SIK2: variants seen among roughly 807,000 people sequenced by gnomAD.
SIK2 encodes salt inducible kinase 2.
A neutral mutation model predicts 103.2 loss-of-function variants in SIK2; 29 were observed. The observed-to-expected ratio is 0.28, with a 90% CI of 0.21 to 0.38. The LOEUF (loss-of-function observed/expected upper bound fraction) is 0.38. Ranked by LOEUF, SIK2 falls within the 10% of genes least tolerant of loss-of-function variation. The probability of loss-of-function intolerance (pLI) is 1.00; values close to 1 mark genes in which losing one functional copy is unlikely to be tolerated. For synonymous variants in SIK2, 412 were observed against 446.1 expected (o/e 0.92, Z 0.96); for missense variants, 879 against 1,171.0 (o/e 0.75, Z 3.64).
chr11:111,659,465 C>CTTT (rs1341083017), intron 3 of SIK2, among the ~76,000 whole-genome samples: 1 of 152,156 alleles, frequency 6.6e-6, no homozygotes, highest in Non-Finnish European at 1.5e-5. Flanking sequence ...TCGTGGGAAC[C>CTTT]AGAAAGCTAA....
intron 8 of SIK2, among the ~76,000 whole-genome samples, chr11:111,707,593 C>T (rs1943385535): frequency 6.6e-6 from 1 of 152,190 alleles, no homozygotes; most frequent in Admixed American, 6.5e-5. Context: ...AGGCCCCCTC[C>T]TCTCAGAGAT....
At chr11:111,636,363 A>T (rs1034826347) in intron 3 of SIK2, among the ~76,000 whole-genome samples, 3 of 152,180 alleles carry the variant, frequency 2.0e-5, no homozygotes, top group Non-Finnish European at 4.4e-5. Context: ...CTGCTCCATT[A>T]CCCACTTTTG....
chr11:111,704,972 TG>T lies in SIK2; in HGVS notation c.949-14del, dbSNP rs1555035843. 1 of 1,595,178 alleles carries T rather than the reference TG, an allele frequency of 6.3e-7. No homozygotes were observed. Among genetic ancestry groups the T allele is most frequent in the African/African-American group, 1.4e-5 (1 of 73,452 alleles). On this transcript the variant is annotated splice_polypyrimidine_tract_variant and intron_variant, in intron 7 of 14. Coordinates refer to ENST00000304987, the MANE Select transcript of SIK2 (RefSeq NM_015191.3). ...TTTACAGTTCTTTGCCTTTACCACT[TG>T]TTTTTTATTTCAGTCTTTGCAGAAC...
intron 4 of SIK2, among the ~76,000 whole-genome samples, chr11:111,695,943 T>C (rs1355865164): frequency 4.6e-5 from 7 of 152,220 alleles, no homozygotes; most frequent in Admixed American, 1.3e-4. Flanking sequence ...TAGGACCATA[T>C]AGGTCAGTCA....
chr11:111,716,149 T>A (rs531494555), intron 9 of SIK2, among the ~76,000 whole-genome samples: 237 of 152,324 alleles, frequency 1.6e-3, no homozygotes, highest in Non-Finnish European at 2.5e-3. Context: ...TTTTCCGAAT[T>A]ACCCCCTTCA....
chr11:111,697,284 C>T (rs1221713878), intron 4 of SIK2, among the ~76,000 whole-genome samples: 1 of 152,146 alleles, frequency 6.6e-6, no homozygotes, highest in African/African-American at 2.4e-5. Flanking sequence ...CATAGTAAAG[C>T]ACTTTTAAGA....
intron 1 of SIK2, among the ~76,000 whole-genome samples, chr11:111,605,240 G>A (rs1941634661): frequency 6.6e-6 from 1 of 152,176 alleles, no homozygotes; most frequent in Non-Finnish European, 1.5e-5. Context: ...TGGGATTACA[G>A]GCGTGAGCCA....
intron 3 of SIK2, chr11:111,683,026 A>G (rs1942796799): frequency 6.6e-6 from 1 of 152,246 alleles, no homozygotes; most frequent in African/African-American, 2.4e-5. Flanking sequence ...ATAAAATTAT[A>G]TTTCACTTAA....
At chr11:111,647,931 A>G (rs1390040684) in intron 3 of SIK2, among the ~76,000 whole-genome samples, 2 of 152,000 alleles carry the variant, frequency 1.3e-5, no homozygotes, top group Non-Finnish European at 2.9e-5. Context: ...CTTTTTTTCT[A>G]TTTATAGATG....
chr11:111,703,615 C>G (rs1449323550), intron 7 of SIK2, among the ~76,000 whole-genome samples, 192 bp downstream of exon 7: 1 of 152,172 alleles, frequency 6.6e-6, no homozygotes, highest in Non-Finnish European at 1.5e-5. Context: ...TTCTTTGCCC[C>G]CATCTGCCAA....
At chr11:111,636,565 A>G (rs535910983) in intron 3 of SIK2, among the ~76,000 whole-genome samples, 1 of 152,322 alleles carries the variant, frequency 6.6e-6, no homozygotes, top group East Asian at 1.9e-4. Context: ...TTTCAAAGAC[A>G]AATAAGGAAG....
intron 1 of SIK2, among the ~76,000 whole-genome samples, chr11:111,606,857 T>G (rs1941655303): frequency 6.6e-6 from 1 of 151,736 alleles, no homozygotes; most frequent in South Asian, 2.1e-4. Context: ...CTGACACCTG[T>G]AATCCCAGCA....
chr11:111,682,077 T>C (rs1411878860), intron 3 of SIK2, among the ~76,000 whole-genome samples: 1 of 152,162 alleles, frequency 6.6e-6, no homozygotes, highest in Non-Finnish European at 1.5e-5. Flanking sequence ...GAATCTTTAA[T>C]TGAAGGATCA....
At position 111,685,273 on chromosome 11, in the gene SIK2, C is replaced by T. The variant is rs1591614972; in HGVS notation, c.317-2728C>T. 3.3e-5 allele frequency among the ~76,000 whole-genome samples: 5 copies of T among 152,328 alleles called. No homozygotes were observed. The South Asian group carries it at 1.0e-3, about 32-fold the overall frequency. ...TTAGATCCCTCACATGTGCAGTTCA[C>T]AATAGGGTTCACATTCCTATGGCAG... On this transcript the variant is annotated intron_variant, in intron 3 of 14. Transcript: ENST00000304987.
chr11:111,626,448 T>C (rs1801008244), intron 3 of SIK2, among the ~76,000 whole-genome samples: 1 of 152,054 alleles, frequency 6.6e-6, no homozygotes. Context: ...GATGTCAGTA[T>C]TGATTCCTTT....
At chr11:111,692,308 G>A (rs923601560) in intron 4 of SIK2, among the ~76,000 whole-genome samples, 10 of 122,226 alleles carry the variant, frequency 8.2e-5, no homozygotes, top group Non-Finnish European at 9.6e-5. Flanking sequence ...CTGAGATCCT[G>A]CCACTGCACT....
intron 3 of SIK2, among the ~76,000 whole-genome samples, chr11:111,663,959 A>G (rs906924930): frequency 1.3e-5 from 2 of 152,176 alleles, no homozygotes; most frequent in Non-Finnish European, 2.9e-5. Flanking sequence ...CTGGATTTGA[A>G]GCTTCAGATC....
At chr11:111,635,104 A>G (rs1247814234) in intron 3 of SIK2, among the ~76,000 whole-genome samples, 2 of 152,172 alleles carry the variant, frequency 1.3e-5, no homozygotes, top group African/African-American at 4.8e-5. Context: ...TAACCACATG[A>G]AAGAGCCAGC....
chr11:111,671,964 G>A (rs117510992), intron 3 of SIK2: 23,471 of 504,734 alleles, frequency 0.047, 764 homozygotes, highest in Non-Finnish European at 0.063. Flanking sequence ...TGTGGCTCTC[G>A]AACATCTCAT....
Sources: gnomAD v4.1 joint callset for allele counts (sites outside exome capture counted in the v4.1 genomes callset) on GRCh38, gnomAD v4.1.1 for gene constraint, MANE v1.5 for transcripts, NCBI Gene and HGNC (gene_info 2026-07-23, HGNC 2026-07-21) for gene names.